Variants in C8orf34 observed in about 807,000 individuals in gnomAD.
The protein encoded by C8orf34 is chromosome 8 open reading frame 34.
In C8orf34, 65 loss-of-function variants were observed where a neutral mutation model predicts 68.3. The ratio of observed to expected loss-of-function variants is 0.95; its 90% CI spans 0.78 to 1.17. The LOEUF (loss-of-function observed/expected upper bound fraction) is 1.17. C8orf34 is among the 50% of genes most tolerant of loss of function. The probability of loss-of-function intolerance (pLI) is 0.00; values close to 1 mark genes in which losing one functional copy is unlikely to be tolerated. For synonymous variants in C8orf34, 244 were observed against 241.2 expected (o/e 1.01, Z -0.11); for missense variants, 664 against 655.4 (o/e 1.01, Z -0.14).
At chr8:68,372,915 A>G (rs1404880194) in intron 1 of C8orf34, among the ~76,000 whole-genome samples, 4 of 152,214 alleles carry the variant, frequency 2.6e-5, no homozygotes, top group Non-Finnish European at 5.9e-5. Flanking sequence ...CGTGCAGAGT[A>G]CCAGCCCCTT....
intron 1 of C8orf34, among the ~76,000 whole-genome samples, chr8:68,372,320 C>T (rs1807595939): frequency 6.6e-6 from 1 of 152,122 alleles, no homozygotes. Flanking sequence ...CTTCAGGAAG[C>T]AGCTACCCCT....
At chr8:68,798,684 G>A (rs1257222282) in intron 12 of C8orf34, among the ~76,000 whole-genome samples, 2 of 152,094 alleles carry the variant, frequency 1.3e-5, no homozygotes, top group Admixed American at 6.5e-5. Flanking sequence ...TGGTTGTAGA[G>A]AATTATTTGG....
chr8:68,688,748 A>C (rs1029231541), intron 8 of C8orf34, among the ~76,000 whole-genome samples: 1 of 152,040 alleles, frequency 6.6e-6, no homozygotes, highest in African/African-American at 2.4e-5. Context: ...AAAACCAAAC[A>C]CTGCATGTTC....
chr8:68,813,797 C>A (rs901661607), intron 12 of C8orf34, among the ~76,000 whole-genome samples: 2 of 152,156 alleles, frequency 1.3e-5, no homozygotes, highest in Non-Finnish European at 2.9e-5. Context: ...ATGCTTCCAT[C>A]GGGCTCACTG....
intron 4 of C8orf34, among the ~76,000 whole-genome samples, chr8:68,479,883 G>A (rs763714373): frequency 6.6e-5 from 10 of 152,264 alleles, no homozygotes; most frequent in South Asian, 2.1e-4. Flanking sequence ...GCAAACTCTC[G>A]CCCATGGGCC....
intron 3 of C8orf34, among the ~76,000 whole-genome samples, chr8:68,458,774 T>A (rs571549494): frequency 6.6e-6 from 1 of 152,326 alleles, no homozygotes; most frequent in Non-Finnish European, 1.5e-5. Context: ...CTGTGTCTAC[T>A]CTCTGCTGCT....
At chr8:68,685,989 C>T (rs28609357) in intron 8 of C8orf34, among the ~76,000 whole-genome samples, 1,670 of 151,896 alleles carry the variant, frequency 0.011, 25 homozygotes, top group African/African-American at 0.037. Context: ...AAAGATCATT[C>T]GAGACTACTA....
rs942009403 is a variant in C8orf34, at chr8:68,464,047, T to C, written c.608-4645T>C. On this transcript the variant is annotated intron_variant, in intron 3 of 13. Coordinates refer to ENST00000518698, the MANE Select transcript of C8orf34 (RefSeq NM_052958.4). ...TGATTGTATATCTAGAAAACCCCAT[T>C]GTCTCAGCCCAAAATCTCCTTAAGC... Among the ~76,000 whole-genome samples the C allele has an allele frequency of 5.3e-5, 8 of 152,196 alleles. 1 individual carries two copies. Among genetic ancestry groups the C allele is most frequent in the Middle Eastern group, 3.4e-3 (1 of 294 alleles).
At chr8:68,500,559 A>G (rs1262605539) in intron 5 of C8orf34, among the ~76,000 whole-genome samples, 1 of 152,200 alleles carries the variant, frequency 6.6e-6, no homozygotes, top group Non-Finnish European at 1.5e-5. Flanking sequence ...ACAAAGGAGC[A>G]TCATATCTGC....
At chr8:68,482,201 T>G (rs2129631128) in intron 4 of C8orf34, among the ~76,000 whole-genome samples, 1 of 152,316 alleles carries the variant, frequency 6.6e-6, no homozygotes, top group South Asian at 2.1e-4. Flanking sequence ...TCATTTCCTC[T>G]TGCCTCTGCC....
intron 7 of C8orf34, among the ~76,000 whole-genome samples, chr8:68,565,433 G>C (rs1166760829): frequency 6.6e-6 from 1 of 152,176 alleles, no homozygotes; most frequent in Non-Finnish European, 1.5e-5. Flanking sequence ...TTCCCCAGCT[G>C]TCTCTGAGGA....
chr8:68,458,148 A>G (rs1811631744), intron 3 of C8orf34, among the ~76,000 whole-genome samples: 1 of 152,224 alleles, frequency 6.6e-6, no homozygotes, highest in Admixed American at 6.5e-5. Flanking sequence ...CAAGCTACAA[A>G]AACATCAAAA....
At chr8:68,771,218 T>C (rs1823325524) in intron 10 of C8orf34, among the ~76,000 whole-genome samples, 1 of 152,214 alleles carries the variant, frequency 6.6e-6, no homozygotes, top group African/African-American at 2.4e-5. Flanking sequence ...TCTAAACCAC[T>C]GTACCTAGTT....
At chr8:68,332,685 A>T (rs1007723885) in intron 1 of C8orf34, among the ~76,000 whole-genome samples, 7 of 152,150 alleles carry the variant, frequency 4.6e-5, no homozygotes, top group African/African-American at 1.7e-4. Flanking sequence ...CAAGATTTGC[A>T]AGATCTCCTA....
At chr8:68,464,320 A>C (rs947070312) in intron 3 of C8orf34, among the ~76,000 whole-genome samples, 77 of 152,342 alleles carry the variant, frequency 5.1e-4, no homozygotes, top group African/African-American at 1.7e-3. Flanking sequence ...AAATGGAAGA[A>C]TATTCCATGC....
chr8:68,524,647 G>T (rs1381665560), intron 6 of C8orf34, among the ~76,000 whole-genome samples: 3 of 152,072 alleles, frequency 2.0e-5, no homozygotes, highest in Non-Finnish European at 4.4e-5. Flanking sequence ...CCTACCAATT[G>T]GTATCAATTG....
In C8orf34 at chr8:68,467,582, C is replaced by G. The variant is rs567487191; in HGVS notation, c.608-1110C>G. 3.9e-5 allele frequency among the ~76,000 whole-genome samples: 6 copies of G among 151,988 alleles called. No individual in the cohort carries two copies. The East Asian group carries it at 1.2e-3, about 29-fold the overall frequency. On this transcript the variant is annotated intron_variant, in intron 3 of 13. Transcript: ENST00000518698. ...CTATCTTCCCGAGAATTCCCTGTTC[C>G]TTTTCCATATTGGGAGAATGGGAGG...
intron 1 of C8orf34, among the ~76,000 whole-genome samples, chr8:68,334,026 C>A (rs1309616155): frequency 6.6e-6 from 1 of 152,074 alleles, no homozygotes; most frequent in Non-Finnish European, 1.5e-5. Context: ...CAAAAAGTAA[C>A]CTATTCACTG....
chr8:68,333,902 G>T (rs1198513275), intron 1 of C8orf34, among the ~76,000 whole-genome samples: 1 of 152,038 alleles, frequency 6.6e-6, no homozygotes, highest in Non-Finnish European at 1.5e-5. Flanking sequence ...GAAAATATGC[G>T]GTATCTGATA....
Sources: gnomAD v4.1 joint callset for allele counts (sites outside exome capture counted in the v4.1 genomes callset) on GRCh38, gnomAD v4.1.1 for gene constraint, MANE v1.5 for transcripts, NCBI Gene and HGNC (gene_info 2026-07-23, HGNC 2026-07-21) for gene names.